The following ERBB4 variants were observed in gnomAD, a reference collection of about 807,000 sequenced individuals.
The protein encoded by ERBB4 is receptor tyrosine-protein kinase erbB-4.
A neutral mutation model predicts 158.0 loss-of-function variants in ERBB4; 42 were observed. The ratio of observed to expected loss-of-function variants is 0.27; its 90% CI spans 0.21 to 0.34. ERBB4 has a LOEUF of 0.34. ERBB4 is among the 10% of genes least tolerant of loss of function. The probability of loss-of-function intolerance (pLI) is 1.00; values close to 1 mark genes in which losing one functional copy is unlikely to be tolerated. For synonymous variants in ERBB4, 583 were observed against 558.7 expected, an observed-to-expected ratio of 1.04 and a Z score of -0.61; for missense variants, 1,333 against 1,624.1, an observed-to-expected ratio of 0.82 and a Z score of 3.08.
chr2:211,406,596 C>A (rs903654249), intron 25 of ERBB4, among the ~76,000 whole-genome samples: 1 of 152,010 alleles, frequency 6.6e-6, no homozygotes, highest in Admixed American at 6.6e-5. Context: ...ATGTCAGAGG[C>A]AGACTGAGAG....
intron 25 of ERBB4, 142 bp from the exon 26 acceptor site, chr2:211,388,134 C>A: frequency 1.4e-6 from 1 of 706,248 alleles, no homozygotes; most frequent in South Asian, 1.6e-5. Flanking sequence ...GCTTCCTAAG[C>A]AGCACAATTG....
chr2:212,310,862 T>TAA (rs57189717), intron 1 of ERBB4, among the ~76,000 whole-genome samples: 5 of 147,958 alleles, frequency 3.4e-5, no homozygotes, highest in African/African-American at 4.9e-5. Context: ...TTTAAAAAGT[T>TAA]AAAAAAAAAA....
chr2:211,907,746 A>G (rs1285860525), intron 3 of ERBB4, among the ~76,000 whole-genome samples: 3 of 151,690 alleles, frequency 2.0e-5, no homozygotes, highest in African/African-American at 7.2e-5. Context: ...GGACTTAGGT[A>G]GTAAGTTTTG....
At chr2:212,182,643 T>C (rs760028762) in intron 1 of ERBB4, among the ~76,000 whole-genome samples, 4 of 151,910 alleles carry the variant, frequency 2.6e-5, no homozygotes, top group Non-Finnish European at 5.9e-5. Context: ...CAGGTTTTGA[T>C]TATTTCTTCC....
At chr2:211,825,398 T>C (rs539139611) in intron 3 of ERBB4, among the ~76,000 whole-genome samples, 1 of 152,018 alleles carries the variant, frequency 6.6e-6, no homozygotes, top group South Asian at 2.1e-4. Flanking sequence ...GATGGCATTG[T>C]ATAAATAGCA....
chr2:211,588,107 A>G (rs2068342548), intron 19 of ERBB4, among the ~76,000 whole-genome samples: 1 of 152,198 alleles, frequency 6.6e-6, no homozygotes, highest in African/African-American at 2.4e-5. Context: ...AAGGTATGGA[A>G]TTATGTTTTA....
chr2:212,208,703 C>G (rs10184205), intron 1 of ERBB4, among the ~76,000 whole-genome samples: 103,435 of 151,930 alleles, frequency 0.68, 35,473 homozygotes, highest in East Asian at 0.81. Context: ...ATTTGTCAGG[C>G]AAGGAGAAAC....
chr2:212,083,893 T>A (rs1428916992), intron 2 of ERBB4, among the ~76,000 whole-genome samples: 6 of 146,192 alleles, frequency 4.1e-5, no homozygotes, highest in African/African-American at 1.0e-4. Flanking sequence ...TACATTCAAT[T>A]CTCTATTTTC....
At chr2:211,445,834 T>C (rs1278192422) in intron 20 of ERBB4, among the ~76,000 whole-genome samples, 1 of 152,062 alleles carries the variant, frequency 6.6e-6, no homozygotes, top group East Asian at 1.9e-4. Context: ...CCCCAGAGAA[T>C]TGAAATATTT....
intron 20 of ERBB4, among the ~76,000 whole-genome samples, chr2:211,550,615 C>T (rs1177796223): frequency 7.2e-6 from 1 of 139,218 alleles, no homozygotes; most frequent in Non-Finnish European, 1.5e-5. Context: ...ATATCTATCT[C>T]TATATATGAA....
intron 25 of ERBB4, among the ~76,000 whole-genome samples, chr2:211,397,362 C>T (rs933964904): frequency 2.0e-5 from 3 of 152,166 alleles, no homozygotes; most frequent in African/African-American, 7.2e-5. Context: ...CCCAGATTAG[C>T]CAGAATCATG....
intron 2 of ERBB4, among the ~76,000 whole-genome samples, chr2:212,055,390 C>T (rs533076968): frequency 2.0e-5 from 3 of 152,040 alleles, no homozygotes; most frequent in Non-Finnish European, 4.4e-5. Flanking sequence ...AGCCAAAAGG[C>T]AGACTTAAAT....
chr2:212,261,900 CTT>C (rs1452879182), intron 1 of ERBB4, among the ~76,000 whole-genome samples: 1 of 151,840 alleles, frequency 6.6e-6, no homozygotes, highest in Non-Finnish European at 1.5e-5. Flanking sequence ...GATGAAACCT[CTT>C]TATAAAAAAT....
At chr2:211,861,111 TTATATATATATTTTATATATATATATA>T (rs2078023714) in intron 3 of ERBB4, among the ~76,000 whole-genome samples, 1 of 21,532 alleles carries the variant, frequency 4.6e-5, no homozygotes, top group Non-Finnish European at 7.7e-5. Context: ...TTATATATAT[TTATATATATATTTTATATATATATATA>T]TATATATATA....
intron 1 of ERBB4, among the ~76,000 whole-genome samples, chr2:212,306,594 A>T (rs1032155710): frequency 6.6e-6 from 1 of 151,450 alleles, no homozygotes; most frequent in Non-Finnish European, 1.5e-5. Context: ...AACTTCATCA[A>T]ATTCACATTT....
At chr2:212,521,976 T>A (rs567997288) in intron 1 of ERBB4, among the ~76,000 whole-genome samples, 1 of 152,084 alleles carries the variant, frequency 6.6e-6, no homozygotes, top group South Asian at 2.1e-4. Flanking sequence ...TTTGATATAT[T>A]CACAAATATT....
At chr2:211,718,023 T>C (rs1487076185) in intron 7 of ERBB4, among the ~76,000 whole-genome samples, 1 of 152,094 alleles carries the variant, frequency 6.6e-6, no homozygotes. Context: ...TTCTCCTATC[T>C]ATCTCAGCTT....
intron 1 of ERBB4, among the ~76,000 whole-genome samples, chr2:212,383,004 G>A (rs758518227): frequency 6.7e-6 from 1 of 150,348 alleles, no homozygotes; most frequent in Non-Finnish European, 1.5e-5. Flanking sequence ...TTTATATTGC[G>A]ATATGGTGCT....
intron 20 of ERBB4, among the ~76,000 whole-genome samples, chr2:211,502,984 G>A (rs1025650901): frequency 1.1e-4 from 16 of 152,052 alleles, no homozygotes; most frequent in African/African-American, 3.9e-4. Context: ...GGAGGACACC[G>A]TGGTTGAAGA....
Sources: gnomAD v4.1 joint callset for allele counts (sites outside exome capture counted in the v4.1 genomes callset) on GRCh38, gnomAD v4.1.1 for gene constraint, MANE v1.5 for transcripts, NCBI Gene and HGNC (gene_info 2026-07-23, HGNC 2026-07-21) for gene names.